Variants in CTNNA3 observed in about 807,000 individuals in gnomAD.
CTNNA3 encodes catenin alpha 3, also known as catenin alpha-3.
A neutral mutation model predicts 95.7 loss-of-function variants in CTNNA3; 76 were observed. The ratio of observed to expected loss-of-function variants is 0.79; its 90% CI spans 0.66 to 0.96. CTNNA3 has a LOEUF of 0.96. CTNNA3 is among the 40% of genes least tolerant of loss of function. The probability of loss-of-function intolerance (pLI) is 0.00; values close to 1 mark genes in which losing one functional copy is unlikely to be tolerated. For synonymous variants in CTNNA3, 431 were observed against 374.4 expected (o/e 1.15, Z -1.74); for missense variants, 1,191 against 1,089.8 (o/e 1.09, Z -1.31).
chr10:66,612,909 A>G (rs1431908447), intron 10 of CTNNA3, among the ~76,000 whole-genome samples: 1 of 151,974 alleles, frequency 6.6e-6, no homozygotes, highest in African/African-American at 2.4e-5. Flanking sequence ...ATTTCCACCG[A>G]TTCCTCCCAA....
chr10:66,766,576 T>TA (rs1389197636), intron 8 of CTNNA3, among the ~76,000 whole-genome samples, 160 bp from the exon 9 acceptor site: 3 of 152,030 alleles, frequency 2.0e-5, no homozygotes, highest in African/African-American at 7.2e-5. Flanking sequence ...CTTAAGAAAC[T>TA]AAAAAACAAA....
rs972702672 is a variant in CTNNA3 at position 66,618,683 on chromosome 10, T to C, written c.1374+3009A>G. Among the ~76,000 whole-genome samples the C allele has an allele frequency of 1.2e-4, 18 of 152,216 alleles. No homozygotes were observed. In the South Asian group the frequency reaches 3.7e-3, roughly 32 times the overall value. On this transcript the variant is annotated intron_variant, in intron 10 of 17. Transcript: ENST00000433211. Reference sequence around the variant, plus strand: ...TTCATGTCTAAAACACCTAAAGCAATGGCAACAAAAGCCAAAATTGACAAA... The same window carrying C: ...TTCATGTCTAAAACACCTAAAGCAACGGCAACAAAAGCCAAAATTGACAAA...
At chr10:66,799,533 GAA>G (rs1180262387) in intron 7 of CTNNA3, among the ~76,000 whole-genome samples, 2 of 151,484 alleles carry the variant, frequency 1.3e-5, no homozygotes, top group Non-Finnish European at 3.0e-5. Context: ...TAAATCTGAA[GAA>G]AAGTCAATGA....
chr10:67,156,303 C>T (rs932856028), intron 7 of CTNNA3, among the ~76,000 whole-genome samples: 2 of 151,180 alleles, frequency 1.3e-5, no homozygotes, highest in Non-Finnish European at 3.0e-5. Flanking sequence ...TAATCTTTAC[C>T]ATTTCTTTCC....
At chr10:66,963,477 C>CA (rs1374035935) in intron 7 of CTNNA3, among the ~76,000 whole-genome samples, 3 of 152,064 alleles carry the variant, frequency 2.0e-5, no homozygotes, top group African/African-American at 7.2e-5. Context: ...CGATTACTTT[C>CA]CAAGTAGATG....
intron 13 of CTNNA3, among the ~76,000 whole-genome samples, chr10:66,177,385 C>T (rs564705141): frequency 5.3e-5 from 8 of 151,796 alleles, no homozygotes; most frequent in Non-Finnish European, 7.4e-5. Flanking sequence ...TAGAAACATA[C>T]ATCTAAATGC....
chr10:66,895,021 C>T (rs1333137697), intron 7 of CTNNA3, among the ~76,000 whole-genome samples: 4 of 123,842 alleles, frequency 3.2e-5, no homozygotes, highest in East Asian at 2.2e-4. Flanking sequence ...GTGCCATTGG[C>T]GAGAGCTATA....
intron 5 of CTNNA3, among the ~76,000 whole-genome samples, chr10:67,364,576 C>A (rs183141352): frequency 1.6e-4 from 24 of 152,268 alleles, no homozygotes; most frequent in Non-Finnish European, 3.4e-4. Context: ...TTCCTATACA[C>A]CAATAGCAGA....
chr10:66,063,603 T>C (rs1265376507), intron 15 of CTNNA3, among the ~76,000 whole-genome samples: 1 of 151,864 alleles, frequency 6.6e-6, no homozygotes, highest in Non-Finnish European at 1.5e-5. Context: ...AATAATTTTA[T>C]TTTTAAAAAA....
intron 7 of CTNNA3, among the ~76,000 whole-genome samples, chr10:66,795,675 T>C (rs530955746): frequency 2.6e-5 from 4 of 152,284 alleles, no homozygotes; most frequent in East Asian, 3.9e-4. Flanking sequence ...TACTCCTCTT[T>C]AGCTATGAAA....
intron 1 of CTNNA3, among the ~76,000 whole-genome samples, chr10:67,664,069 G>A (rs1840268177): frequency 6.6e-6 from 1 of 152,172 alleles, no homozygotes; most frequent in Middle Eastern, 3.2e-3. Context: ...TAGATTAAAA[G>A]TGTGAAAAGA....
chr10:67,283,098 C>T (rs779685722), intron 5 of CTNNA3, among the ~76,000 whole-genome samples: 2 of 152,162 alleles, frequency 1.3e-5, no homozygotes, highest in Non-Finnish European at 2.9e-5. Flanking sequence ...ACAGACAGGA[C>T]TTGCTGGGTT....
intron 10 of CTNNA3, among the ~76,000 whole-genome samples, chr10:66,539,624 G>A (rs1282835894): frequency 1.3e-5 from 2 of 152,094 alleles, no homozygotes; most frequent in East Asian, 3.9e-4. Flanking sequence ...GATGCTTGAG[G>A]CCTTTTACCT....
intron 12 of CTNNA3, among the ~76,000 whole-genome samples, chr10:66,332,107 CTT>C: frequency 6.6e-6 from 1 of 152,152 alleles, no homozygotes; most frequent in East Asian, 1.9e-4. Context: ...TATCCTGAGA[CTT>C]TGCTGAAGTT....
At chr10:66,332,411 A>ATACGTTCCATCAATATC in intron 12 of CTNNA3, among the ~76,000 whole-genome samples, 1 of 147,008 alleles carries the variant, frequency 6.8e-6, no homozygotes, top group East Asian at 2.0e-4. Flanking sequence ...TTATTTTGAG[A>ATACGTTCCATCAATATC]TAATTTATTG....
intron 5 of CTNNA3, among the ~76,000 whole-genome samples, chr10:67,379,328 A>G (rs1304124926): frequency 6.6e-6 from 1 of 152,176 alleles, no homozygotes; most frequent in Non-Finnish European, 1.5e-5. Flanking sequence ...CCTCAGATTC[A>G]TCTTCTACAA....
At chr10:66,750,350 G>C (rs1839081966) in intron 9 of CTNNA3, among the ~76,000 whole-genome samples, 1 of 152,148 alleles carries the variant, frequency 6.6e-6, no homozygotes, top group Non-Finnish European at 1.5e-5. Flanking sequence ...TGGTTTTGCA[G>C]TTTACATTTA....
intron 10 of CTNNA3, among the ~76,000 whole-genome samples, chr10:66,556,002 T>C (rs974534215): frequency 2.6e-5 from 4 of 151,840 alleles, no homozygotes; most frequent in African/African-American, 9.7e-5. Flanking sequence ...ATACAAGGAA[T>C]TCACGTAACT....
intron 7 of CTNNA3, among the ~76,000 whole-genome samples, chr10:67,077,096 C>A (rs2131866075): frequency 6.6e-6 from 1 of 152,314 alleles, no homozygotes; most frequent in African/African-American, 2.4e-5. Context: ...TCCTGACCCT[C>A]TACCTCAATC....
Sources: gnomAD v4.1 joint callset for allele counts (sites outside exome capture counted in the v4.1 genomes callset) on GRCh38, gnomAD v4.1.1 for gene constraint, MANE v1.5 for transcripts, NCBI Gene and HGNC (gene_info 2026-07-23, HGNC 2026-07-21) for gene names.